The following CNTLN variants were observed in gnomAD, a reference collection of about 807,000 sequenced individuals.
CNTLN encodes centlein, centrosomal protein.
CNTLN carries 212 observed loss-of-function variants against 180.0 expected under a neutral mutation model. The observed-to-expected ratio is 1.18, with a 90% CI of 1.05 to 1.32. The LOEUF (loss-of-function observed/expected upper bound fraction) is 1.32, where lower values mean the gene tolerates loss of function less well. Among genes scored for constraint, CNTLN ranks in the 40% most tolerant of loss-of-function variants. The pLI is 0.00. For missense variants in CNTLN, 2,095 were observed against 1,610.9 expected (o/e 1.30, Z -5.14); for synonymous variants, 722 against 563.1 (o/e 1.28, Z -3.99).
chr9:17,273,160 T>C (rs1368560917), intron 5 of CNTLN, among the ~76,000 whole-genome samples: 1 of 130,870 alleles, frequency 7.6e-6, no homozygotes, highest in East Asian at 2.0e-4. Context: ...CACCTAATTT[T>C]AAAATCCTTT....
chr9:17,139,318 C>A (rs1409467799), intron 1 of CNTLN, among the ~76,000 whole-genome samples: 1 of 151,866 alleles, frequency 6.6e-6, no homozygotes, highest in East Asian at 2.0e-4. Context: ...AAACTCCTGA[C>A]CTTGTGATCT....
intron 2 of CNTLN, among the ~76,000 whole-genome samples, chr9:17,205,048 A>G (rs533846875): frequency 1.3e-5 from 2 of 152,238 alleles, no homozygotes; most frequent in African/African-American, 4.8e-5. Flanking sequence ...ACCAAGCTCG[A>G]TCATCCCAGG....
chr9:17,150,871 T>C (rs151333076), intron 2 of CNTLN, among the ~76,000 whole-genome samples: 239 of 152,330 alleles, frequency 1.6e-3, no homozygotes, highest in Non-Finnish European at 2.8e-3. Flanking sequence ...TTCACATCCT[T>C]TGTAAGTTGT....
At chr9:17,233,466 C>T (rs1255245041) in intron 3 of CNTLN, among the ~76,000 whole-genome samples, 2 of 151,870 alleles carry the variant, frequency 1.3e-5, no homozygotes, top group Admixed American at 6.6e-5. Flanking sequence ...TATTATAATC[C>T]GTTTAAAAAA....
intron 13 of CNTLN, among the ~76,000 whole-genome samples, chr9:17,369,346 C>G (rs1587802132): frequency 6.6e-6 from 1 of 152,168 alleles, no homozygotes; most frequent in Admixed American, 6.5e-5. Flanking sequence ...CTTTATTACT[C>G]AGTCTTGAGC....
intron 18 of CNTLN, among the ~76,000 whole-genome samples, chr9:17,456,714 T>C (rs1831140282): frequency 6.6e-6 from 1 of 152,126 alleles, no homozygotes; most frequent in Non-Finnish European, 1.5e-5. Flanking sequence ...CATTATAAGC[T>C]TCTTTGGAAT....
In CNTLN at chr9:17,357,765, G is replaced by A. The variant is rs190528851; in HGVS notation, c.1887-8852G>A. 2.0e-3 allele frequency among the ~76,000 whole-genome samples: 298 copies of A among 151,374 alleles called. 1 individual carries two copies. Among genetic ancestry groups the A allele is most frequent in the African/African-American group, 6.8e-3 (282 of 41,446 alleles). The stretch of plus-strand genomic sequence containing the variant: ...TCACACGAACTCATTCTATTTGATA[G>A]TATTTTTTTCTTTAGAATAAATAAC... On this transcript the variant is annotated intron_variant, in intron 12 of 25. Transcript: ENST00000380647.
At position 17,342,381 on chromosome 9, in the gene CNTLN, C is replaced by G; in HGVS notation, c.1823C>G (p.Ser608Cys). 1.9e-6 allele frequency: 3 copies of G among 1,612,128 alleles called. No individual in the cohort carries two copies. Among genetic ancestry groups the G allele is most frequent in the Non-Finnish European group, 2.5e-6 (3 of 1,179,098 alleles). ...CCCCAACAACTTCGACAAGAAGATT[C>G]TGACGCTGTGTGGAATGAACTGGCA... The part of the protein sequence containing the change: ...ADPQQLRQED[S>C]DAVWNELAYF... The change falls in exon 12 of 26, where the codon TCT becomes TGT. Residue 608 changes from serine (S) to cysteine (C), a missense_variant. Transcript: ENST00000380647.
chr9:17,246,782 C>T (rs1478698431), intron 5 of CNTLN, among the ~76,000 whole-genome samples: 4 of 152,254 alleles, frequency 2.6e-5, no homozygotes, highest in Non-Finnish European at 5.9e-5. Flanking sequence ...CTCTTCTCTC[C>T]CTTTTCTTCA....
chr9:17,301,712 C>T, intron 7 of CNTLN: 4 of 947,788 alleles, frequency 4.2e-6, no homozygotes, highest in Non-Finnish European at 5.0e-6. Context: ...AAATATTCTT[C>T]TTATTTATTT....
At chr9:17,201,283 C>T (rs1822507429) in intron 2 of CNTLN, among the ~76,000 whole-genome samples, 1 of 152,190 alleles carries the variant, frequency 6.6e-6, no homozygotes, top group African/African-American at 2.4e-5. Flanking sequence ...AGGACATTGG[C>T]CTGAAATTTT....
intron 24 of CNTLN, among the ~76,000 whole-genome samples, chr9:17,485,671 C>G (rs1187048935): frequency 2.0e-5 from 3 of 152,006 alleles, no homozygotes; most frequent in Non-Finnish European, 4.4e-5. Context: ...TTTTAAAACA[C>G]ACAGATTTAG....
chr9:17,377,639 T>A (rs1824884950), intron 13 of CNTLN, among the ~76,000 whole-genome samples: 1 of 152,200 alleles, frequency 6.6e-6, no homozygotes, highest in South Asian at 2.1e-4. Context: ...AACCTAGATG[T>A]TTGAGAATAT....
At chr9:17,302,115 C>G (rs929908798) in intron 7 of CNTLN, 15 of 748,420 alleles carry the variant, frequency 2.0e-5, no homozygotes, top group African/African-American at 3.0e-5. Context: ...CACACACACA[C>G]ACACAGACAC....
At chr9:17,521,655 T>C in the CNTLN span, among the ~76,000 whole-genome samples, 1 of 152,186 alleles carries the variant, frequency 6.6e-6, no homozygotes, top group Non-Finnish European at 1.5e-5. Context: ...GGAACTCTAC[T>C]ATCACCAGGT....
chr9:17,362,736 T>C (rs939484727), intron 12 of CNTLN, among the ~76,000 whole-genome samples: 3 of 152,160 alleles, frequency 2.0e-5, no homozygotes, highest in African/African-American at 7.2e-5. Flanking sequence ...TATTTTCTTA[T>C]GCTCCTTTTT....
intron 3 of CNTLN, among the ~76,000 whole-genome samples, chr9:17,231,588 C>T (rs1824819067): frequency 1.3e-5 from 2 of 151,788 alleles, no homozygotes; most frequent in Admixed American, 1.3e-4. Context: ...TTTTCCTTAC[C>T]TTCTAGGAAG....
At chr9:17,230,943 C>G (rs577125969) in intron 3 of CNTLN, among the ~76,000 whole-genome samples, 53 of 152,088 alleles carry the variant, frequency 3.5e-4, no homozygotes, top group Non-Finnish European at 6.2e-4. Flanking sequence ...GTTTTTCCAC[C>G]CTGGTGCTGG....
At chr9:17,319,693 C>T (rs1420998907) in intron 8 of CNTLN, among the ~76,000 whole-genome samples, 1 of 152,134 alleles carries the variant, frequency 6.6e-6, no homozygotes, top group African/African-American at 2.4e-5. Flanking sequence ...ATTAGAGTTT[C>T]ATTAAGATTA....
Sources: allele counts gnomAD v4.1 joint callset (sites outside exome capture counted in the v4.1 genomes callset), GRCh38; gene constraint gnomAD v4.1.1; transcripts MANE v1.5; gene names NCBI Gene and HGNC (gene_info 2026-07-23, HGNC 2026-07-21).